The following PDS5B variants were observed in gnomAD, a reference collection of about 807,000 sequenced individuals.
PDS5B encodes the protein PDS5 cohesin associated factor B, also known as sister chromatid cohesion protein PDS5 homolog B.
In PDS5B, 51 loss-of-function variants were observed where a neutral mutation model predicts 184.1. The ratio of observed to expected loss-of-function variants is 0.28; its 90% CI spans 0.22 to 0.35. PDS5B has a LOEUF of 0.35. Ranked by LOEUF, PDS5B falls within the 10% of genes least tolerant of loss-of-function variation. PDS5B has a pLI of 1.00. For synonymous variants in PDS5B, 566 were observed against 569.2 expected (o/e 0.99, Z 0.08); for missense variants, 1,180 against 1,723.3 (o/e 0.68, Z 5.58).
At position 32,752,732 on chromosome 13, in the gene PDS5B, G is replaced by A. The variant is rs751785295; in HGVS notation, c.2737-600G>A. Among the ~76,000 whole-genome samples the A allele has an allele frequency of 1.0e-3, 156 of 152,274 alleles. 2 individuals are homozygous for A. The highest frequency in any genetic ancestry group is 4.4e-3 in the Admixed American group (68 of 15,294). ...GAGGGGAGTAGTATGAGTTAAGCAG[G>A]CACACGGGTAATAATCAGCCTGGTT... is the stretch of plus-strand genomic sequence containing the variant. On this transcript the variant is annotated intron_variant, in intron 24 of 34. Transcript: ENST00000315596.
chr13:32,686,215 TTAA>T (rs1951384125), intron 11 of PDS5B, among the ~76,000 whole-genome samples: 1 of 152,190 alleles, frequency 6.6e-6, no homozygotes, highest in Non-Finnish European at 1.5e-5. Context: ...TCTAAGATAA[TTAA>T]TGCCAGATGC....
intron 1 of PDS5B, among the ~76,000 whole-genome samples, chr13:32,591,164 C>T (rs9595879): frequency 0.34 from 51,996 of 151,392 alleles, 9,165 homozygotes; most frequent in Non-Finnish European, 0.38. Context: ...AGTCTCGCTC[C>T]GTTGCCCAGA....
intron 1 of PDS5B, among the ~76,000 whole-genome samples, chr13:32,611,277 A>G (rs961950627): frequency 6.6e-6 from 1 of 151,818 alleles, no homozygotes; most frequent in Non-Finnish European, 1.5e-5. Context: ...TCTTTCTTCA[A>G]TTAGTCACTA....
At chr13:32,618,659 CAGAT>C (rs751832331) in intron 1 of PDS5B, among the ~76,000 whole-genome samples, 15 of 152,152 alleles carry the variant, frequency 9.9e-5, no homozygotes, top group Non-Finnish European at 1.6e-4. Flanking sequence ...TTGTGAAAAA[CAGAT>C]AGTCTTAATG....
At chr13:32,737,246 A>C (rs985084606) in intron 21 of PDS5B, among the ~76,000 whole-genome samples, 1 of 152,138 alleles carries the variant, frequency 6.6e-6, no homozygotes, top group Non-Finnish European at 1.5e-5. Flanking sequence ...CTATCGTCAG[A>C]TCACTTCCAT....
Position 32,701,380 on chromosome 13 carries a change from A to G in PDS5B, c.1798A>G (p.Met600Val), listed in dbSNP as rs778808858. ...ACAGCCTACAAATCCTTTCCTGGAA[A>G]TGATCAAGTTTCTCTTGGAGAGGAT... ...PKQPTNPFLE[M>V]IKFLLERIAP... Residue 600 changes from methionine to valine, a missense_variant, in exon 17 of 35, where the codon ATG becomes GTG. Physicochemically the swap from Met to Val is conservative, Grantham distance 21. Transcript: ENST00000315596. 1 of 1,612,892 alleles carries G rather than the reference A, an allele frequency of 6.2e-7. No individual in the cohort carries two copies. Among genetic ancestry groups the G allele is most frequent in the Non-Finnish European group, 8.5e-7 (1 of 1,179,110 alleles).
intron 1 of PDS5B, among the ~76,000 whole-genome samples, chr13:32,636,036 T>C (rs902986822): frequency 5.9e-5 from 9 of 152,192 alleles, no homozygotes; most frequent in Admixed American, 2.0e-4. Context: ...CCCAAAGTGC[T>C]GGGATTACAG....
At chr13:32,755,345 C>T (rs541670628) in intron 25 of PDS5B, among the ~76,000 whole-genome samples, 90 of 152,204 alleles carry the variant, frequency 5.9e-4, no homozygotes, top group African/African-American at 1.9e-3. Context: ...ACTCTTAAGT[C>T]TGTTCCTTTA....
chr13:32,668,478 C>T lies in PDS5B; in HGVS notation c.705+634C>T, dbSNP rs1044124990. Among the ~76,000 whole-genome samples, 6 of 152,156 alleles carry T rather than the reference C, an allele frequency of 3.9e-5. No homozygotes were observed. The East Asian group carries it at 7.7e-4, about 20-fold the overall frequency. On this transcript the variant is annotated intron_variant, in intron 7 of 34. Coordinates refer to ENST00000315596, the MANE Select transcript of PDS5B (RefSeq NM_015032.4). ...ATTTTTTAGCTGCTAGGTTCACTGACAGAAGTTTATGGTAAGTTTTATTTT... is the reference window on the plus strand; with the variant it reads ...ATTTTTTAGCTGCTAGGTTCACTGATAGAAGTTTATGGTAAGTTTTATTTT...
chr13:32,608,936 T>A (rs2058101197), intron 1 of PDS5B, among the ~76,000 whole-genome samples: 2 of 152,222 alleles, frequency 1.3e-5, no homozygotes, highest in Non-Finnish European at 2.9e-5. Context: ...GCTTCACTTT[T>A]GTCTTCTAAA....
At chr13:32,722,261 C>T (rs1952742455) in intron 19 of PDS5B, among the ~76,000 whole-genome samples, 1 of 152,236 alleles carries the variant, frequency 6.6e-6, no homozygotes, top group South Asian at 2.1e-4. Context: ...CAGGCTGAGG[C>T]AGGAGAATCA....
At chr13:32,710,441 TTA>T (rs1952168661) in intron 19 of PDS5B, among the ~76,000 whole-genome samples, 1 of 152,238 alleles carries the variant, frequency 6.6e-6, no homozygotes, top group Admixed American at 6.5e-5. Context: ...ATAATATTCT[TTA>T]GTTTCCTCTG....
At chr13:32,721,393 C>G (rs182812653) in intron 19 of PDS5B, among the ~76,000 whole-genome samples, 110 of 152,068 alleles carry the variant, frequency 7.2e-4, no homozygotes, top group African/African-American at 2.5e-3. Context: ...CGGGGGTGCC[C>G]CTCACTTCCC....
intron 1 of PDS5B, among the ~76,000 whole-genome samples, chr13:32,636,131 A>C (rs1400284201): frequency 1.3e-5 from 2 of 152,168 alleles, no homozygotes; most frequent in Non-Finnish European, 2.9e-5. Flanking sequence ...AAAAACGAGA[A>C]AACTTGACCT....
rs542885183 is a variant in PDS5B, at chr13:32,700,117, A to G, written c.1740+248A>G. Among the ~76,000 whole-genome samples, 9 of 152,222 alleles carry G rather than the reference A, an allele frequency of 5.9e-5. No individual in the cohort carries two copies. The South Asian group carries it at 1.9e-3, about 32-fold the overall frequency. On this transcript the variant is annotated intron_variant, in intron 16 of 34. Coordinates refer to ENST00000315596, the MANE Select transcript of PDS5B (RefSeq NM_015032.4). ...ATTAATTAGTCTTTTATAGTATTTA[A>G]TAGCTCCATAGCATACCACTGAATA...
At chr13:32,668,669 C>T (rs560546286) in intron 7 of PDS5B, among the ~76,000 whole-genome samples, 2 of 152,110 alleles carry the variant, frequency 1.3e-5, no homozygotes, top group Non-Finnish European at 2.9e-5. Context: ...TTTCACTCAC[C>T]TCCAGACAAG....
At chr13:32,725,346 T>G (rs1204625070) in intron 19 of PDS5B, among the ~76,000 whole-genome samples, 3 of 152,172 alleles carry the variant, frequency 2.0e-5, no homozygotes, top group Non-Finnish European at 4.4e-5. Flanking sequence ...GATTATCCCG[T>G]GTATAATCTT....
intron 3 of PDS5B, among the ~76,000 whole-genome samples, chr13:32,654,088 G>T (rs1191518958): frequency 6.6e-6 from 1 of 152,100 alleles, no homozygotes; most frequent in African/African-American, 2.4e-5. Flanking sequence ...TAAGTATTTG[G>T]TTTTTCTGAT....
chr13:32,714,754 G>A (rs754355338), intron 19 of PDS5B, among the ~76,000 whole-genome samples: 8 of 152,224 alleles, frequency 5.3e-5, no homozygotes, highest in Non-Finnish European at 1.2e-4. Context: ...TTGTTATCCT[G>A]CTCTTTTTTC....
Sources: allele counts gnomAD v4.1 joint callset (sites outside exome capture counted in the v4.1 genomes callset), GRCh38; gene constraint gnomAD v4.1.1; transcripts MANE v1.5; gene names NCBI Gene and HGNC (gene_info 2026-07-23, HGNC 2026-07-21).